Variants in SAMD5 observed in about 807,000 individuals in gnomAD.
SAMD5 encodes the protein sterile alpha motif domain-containing protein 5.
Under a neutral mutation model 11.3 loss-of-function variants are expected in SAMD5, and 13 were observed. The observed-to-expected ratio is 1.15, with a 90% confidence interval of 0.75 to 1.83. The LOEUF (loss-of-function observed/expected upper bound fraction) is 1.83, where lower values mean the gene tolerates loss of function less well. Ranked by LOEUF, SAMD5 falls within the 40% of genes most tolerant of loss-of-function variation. The pLI, the probability that SAMD5 is intolerant of heterozygous loss-of-function variation, is 0.00. For synonymous variants in SAMD5, 129 were observed against 111.3 expected (o/e 1.16, Z -1.00); for missense variants, 255 against 239.1 (o/e 1.07, Z -0.44).
At chr6:147,679,003 A>G (rs1382996007) in intron 1 of SAMD5, among the ~76,000 whole-genome samples, 3 of 152,176 alleles carry the variant, frequency 2.0e-5, no homozygotes, top group Admixed American at 1.3e-4. Context: ...ATAATTGTGT[A>G]CTAATATATG....
rs540158049 is a variant in SAMD5 at position 147,519,833 on chromosome 6, C to T, written c.459+10446C>T. 4.6e-5 allele frequency among the ~76,000 whole-genome samples: 7 copies of T among 152,278 alleles called. No homozygotes were observed. In the East Asian group the frequency reaches 7.7e-4, roughly 17 times the overall value. ...AAACTTAACATGCAGCAATTAGCATCGAGGCCAACAAAAGACTTTTTCAAG... is the reference window on the plus strand; with the variant it reads ...AAACTTAACATGCAGCAATTAGCATTGAGGCCAACAAAAGACTTTTTCAAG... On this transcript the variant is annotated intron_variant, in intron 1 of 1. Coordinates refer to ENST00000367474, the MANE Select transcript of SAMD5 (RefSeq NM_001030060.3).
chr6:147,742,712 G>T, the SAMD5 span, among the ~76,000 whole-genome samples: 3 of 151,920 alleles, frequency 2.0e-5, no homozygotes, highest in East Asian at 3.9e-4. Flanking sequence ...ATGTAACAGA[G>T]GCTTCCCGAA....
chr6:147,601,551 G>A (rs1252004248), intron 1 of SAMD5, among the ~76,000 whole-genome samples: 1 of 152,040 alleles, frequency 6.6e-6, no homozygotes, highest in Admixed American at 6.6e-5. Flanking sequence ...TGTCCTGAGC[G>A]CACACTTTGA....
At chr6:147,868,941 G>A in the SAMD5 span, among the ~76,000 whole-genome samples, 16 of 152,284 alleles carry the variant, frequency 1.1e-4, no homozygotes, top group African/African-American at 3.4e-4. Flanking sequence ...ATTTGCAGAG[G>A]CATTTTCATA....
the SAMD5 span, among the ~76,000 whole-genome samples, chr6:147,886,506 C>A: frequency 6.6e-6 from 1 of 151,748 alleles, no homozygotes; most frequent in African/African-American, 2.4e-5. Context: ...TTTCTGTAAT[C>A]CTCTCCCCCT....
At chr6:147,808,467 G>T in the SAMD5 span, among the ~76,000 whole-genome samples, 1 of 152,192 alleles carries the variant, frequency 6.6e-6, no homozygotes, top group Non-Finnish European at 1.5e-5. Context: ...GCCTCCCAAA[G>T]TGGTGGGATT....
chr6:147,916,237 G>A, the SAMD5 span, among the ~76,000 whole-genome samples: 3 of 152,246 alleles, frequency 2.0e-5, no homozygotes, highest in African/African-American at 7.2e-5. Flanking sequence ...CTTTATAGCA[G>A]CATGATTTAT....
the SAMD5 span, among the ~76,000 whole-genome samples, chr6:147,843,006 C>T: frequency 2.0e-5 from 3 of 152,044 alleles, no homozygotes; most frequent in African/African-American, 7.2e-5. Context: ...ATTACAGGTG[C>T]CTGCCACCAC....
Position 147,509,394 on chromosome 6 carries a change from A to G in SAMD5, c.459+7A>G. ...GCCCCCGTACTCCCGCAAGGTAAGG[A>G]GGTGCCGTCCGGGCGGCCCGGGGCG... On this transcript the variant is annotated splice_region_variant and intron_variant, in intron 1 of 1. Coordinates refer to ENST00000367474, the MANE Select transcript of SAMD5 (RefSeq NM_001030060.3). 1 of 1,519,910 alleles carries G rather than the reference A, an allele frequency of 6.6e-7. No homozygotes were observed. The highest frequency in any genetic ancestry group is 8.8e-7 in the Non-Finnish European group (1 of 1,134,570). The allele number at this position is 1,519,910 out of a possible 1,614,324, so 94.2% of individuals were successfully genotyped here.
chr6:147,626,479 T>C (rs1439032683), intron 1 of SAMD5, among the ~76,000 whole-genome samples: 1 of 151,896 alleles, frequency 6.6e-6, no homozygotes, highest in Non-Finnish European at 1.5e-5. Flanking sequence ...CCTCATTATG[T>C]AGTAGAACAC....
the SAMD5 span, among the ~76,000 whole-genome samples, chr6:147,845,142 T>A: frequency 2.0e-5 from 3 of 152,090 alleles, no homozygotes; most frequent in African/African-American, 7.2e-5. Context: ...AATAAAATTT[T>A]AAAAATATGT....
At chr6:147,830,514 C>G in the SAMD5 span, among the ~76,000 whole-genome samples, 2 of 151,994 alleles carry the variant, frequency 1.3e-5, no homozygotes, top group East Asian at 3.9e-4. Context: ...CCTCAGCCTC[C>G]CAAAGTGCTG....
chr6:147,778,607 G>T, the SAMD5 span, among the ~76,000 whole-genome samples: 1 of 151,970 alleles, frequency 6.6e-6, no homozygotes, highest in East Asian at 1.9e-4. Flanking sequence ...AAATTAAGTT[G>T]GTTCTACTTG....
the SAMD5 span, among the ~76,000 whole-genome samples, chr6:147,943,897 C>G: frequency 3.3e-5 from 5 of 152,122 alleles, no homozygotes; most frequent in Non-Finnish European, 7.3e-5. Flanking sequence ...ACATAATTCT[C>G]CTGGCCCCTT....
intron 1 of SAMD5, among the ~76,000 whole-genome samples, chr6:147,643,706 A>T (rs62436291): frequency 0.14 from 20,422 of 150,986 alleles, 1,442 homozygotes; most frequent in African/African-American, 0.15. Context: ...ACTAAAAGGA[A>T]AGAGACAGAA....
the SAMD5 span, among the ~76,000 whole-genome samples, chr6:147,772,813 T>G: frequency 6.6e-6 from 1 of 152,186 alleles, no homozygotes; most frequent in Non-Finnish European, 1.5e-5. Flanking sequence ...AGTCACCTTC[T>G]GAGGTACCTG....
At chr6:147,562,763 A>G (rs1029926501) in intron 1 of SAMD5, among the ~76,000 whole-genome samples, 3 of 152,196 alleles carry the variant, frequency 2.0e-5, no homozygotes, top group Admixed American at 2.0e-4. Flanking sequence ...CGGAGCTTGC[A>G]GTGAGCCGAG....
chr6:147,687,189 G>C (rs1034885850), intron 1 of SAMD5, among the ~76,000 whole-genome samples: 12 of 149,818 alleles, frequency 8.0e-5, no homozygotes, highest in Non-Finnish European at 1.6e-4. Flanking sequence ...TATTCATTTA[G>C]ATATATTCTC....
At chr6:147,654,646 T>C (rs1044173162) in intron 1 of SAMD5, among the ~76,000 whole-genome samples, 3 of 152,166 alleles carry the variant, frequency 2.0e-5, no homozygotes, top group African/African-American at 7.2e-5. Flanking sequence ...CCGCTGCTGC[T>C]GCTATCCTGA....
Sources: gnomAD v4.1 joint callset for allele counts (sites outside exome capture counted in the v4.1 genomes callset) on GRCh38, gnomAD v4.1.1 for gene constraint, MANE v1.5 for transcripts, NCBI Gene and HGNC (gene_info 2026-07-23, HGNC 2026-07-21) for gene names.